The following INPP4B variants were observed in gnomAD, a reference collection of about 807,000 sequenced individuals.
INPP4B encodes the protein inositol polyphosphate 4-phosphatase type II.
Under a neutral mutation model 122.5 loss-of-function variants are expected in INPP4B, and 55 were observed. That is an observed-to-expected ratio of 0.45 (90% CI 0.36 to 0.56). The LOEUF (loss-of-function observed/expected upper bound fraction) is 0.56. INPP4B is among the 20% of genes least tolerant of loss of function. The pLI, the probability that INPP4B is intolerant of heterozygous loss-of-function variation, is 0.00. For synonymous variants in INPP4B, 403 were observed against 388.7 expected (o/e 1.04, Z -0.43); for missense variants, 1,000 against 1,097.7 (o/e 0.91, Z 1.26).
chr4:142,129,842 CCCT>C (rs1800427322), intron 18 of INPP4B, among the ~76,000 whole-genome samples: 2 of 152,088 alleles, frequency 1.3e-5, no homozygotes, highest in South Asian at 4.1e-4. Context: ...ATTGCTCCCC[CCCT>C]CCTTTTTCAT....
intron 2 of INPP4B, among the ~76,000 whole-genome samples, chr4:142,581,459 G>C (rs901088452): frequency 1.3e-5 from 2 of 151,234 alleles, no homozygotes; most frequent in Admixed American, 1.3e-4. Context: ...AATTATTCAT[G>C]AACTTTGGAA....
chr4:142,185,883 C>CTTA (rs1554000192), intron 15 of INPP4B, among the ~76,000 whole-genome samples: 1 of 6,702 alleles, frequency 1.5e-4, no homozygotes, highest in Non-Finnish European at 3.1e-4. Context: ...CATCTCAAAA[C>CTTA]ATAAAAAAAA....
intron 2 of INPP4B, among the ~76,000 whole-genome samples, chr4:142,642,194 A>C (rs1252246384): frequency 6.6e-6 from 1 of 152,090 alleles, no homozygotes; most frequent in East Asian, 1.9e-4. Context: ...TAGATTGCAA[A>C]AATTTTCTCC....
intron 2 of INPP4B, among the ~76,000 whole-genome samples, chr4:142,609,971 C>T (rs1742123496): frequency 6.6e-6 from 1 of 152,092 alleles, no homozygotes; most frequent in South Asian, 2.1e-4. Flanking sequence ...TAGCCACTAC[C>T]CATATCTGGC....
Position 142,138,370 on chromosome 4 carries a change from A to C in INPP4B, c.1720+7470T>G, listed in dbSNP as rs1275226094. On this transcript the variant is annotated intron_variant, in intron 18 of 25. Transcript: ENST00000262992. ...ATGGACACAGGAAGGGGAACATCACACTCTGGGGACTGTTGTGGGGTGGGG... is the reference window on the plus strand; with the variant it reads ...ATGGACACAGGAAGGGGAACATCACCCTCTGGGGACTGTTGTGGGGTGGGG... Among the ~76,000 whole-genome samples, 247 of 115,270 alleles carry C rather than the reference A, an allele frequency of 2.1e-3. 2 individuals are homozygous for C. Among genetic ancestry groups the C allele is most frequent in the African/African-American group, 8.0e-3 (233 of 29,174 alleles). The allele number at this position is 115,270 out of a possible 152,430, so 75.6% of individuals were successfully genotyped here. A position where few individuals can be genotyped will look rare whatever the true frequency, so the allele number is the denominator to read the frequency against.
chr4:142,695,293 T>C (rs1760870525), intron 2 of INPP4B, among the ~76,000 whole-genome samples: 1 of 152,196 alleles, frequency 6.6e-6, no homozygotes, highest in African/African-American at 2.4e-5. Flanking sequence ...ATGAAGCTAA[T>C]TCTCAAACAG....
chr4:142,398,395 A>AAAAAAT (rs1800213610), intron 7 of INPP4B, among the ~76,000 whole-genome samples: 1 of 23,868 alleles, frequency 4.2e-5, no homozygotes, highest in Non-Finnish European at 9.5e-5. Context: ...AAAAAAAAAA[A>AAAAAAT]AAAAAAATAT....
intron 7 of INPP4B, among the ~76,000 whole-genome samples, chr4:142,372,424 T>C (rs1424155412): frequency 6.6e-6 from 1 of 152,128 alleles, no homozygotes; most frequent in Non-Finnish European, 1.5e-5. Context: ...AAAGAAATGA[T>C]GAATGTTTGA....
At chr4:142,068,823 T>C (rs191970342) in intron 25 of INPP4B, among the ~76,000 whole-genome samples, 34 of 152,300 alleles carry the variant, frequency 2.2e-4, no homozygotes, top group Middle Eastern at 3.4e-3. Context: ...AGCACCCTGA[T>C]TCATAAAGCA....
chr4:142,709,870 A>C (rs1762900394), intron 2 of INPP4B, among the ~76,000 whole-genome samples: 1 of 152,194 alleles, frequency 6.6e-6, no homozygotes, highest in Non-Finnish European at 1.5e-5. Context: ...TTTATTCTTC[A>C]TACTGTTCTA....
chr4:142,101,120 C>G (rs1561119257), intron 23 of INPP4B, among the ~76,000 whole-genome samples: 1 of 151,988 alleles, frequency 6.6e-6, no homozygotes, highest in Admixed American at 6.6e-5. Flanking sequence ...CTCTGAAAAG[C>G]AGAAATGAGA....
intron 25 of INPP4B, chr4:142,030,153 G>T: frequency 6.5e-7 from 1 of 1,535,068 alleles, no homozygotes; most frequent in Non-Finnish European, 8.7e-7. Context: ...TAAGAGTAAC[G>T]CCAGACTTAA....
chr4:142,832,648 C>T (rs190793732), intron 1 of INPP4B, among the ~76,000 whole-genome samples: 1 of 152,126 alleles, frequency 6.6e-6, no homozygotes, highest in African/African-American at 2.4e-5. Flanking sequence ...GAAGAACACC[C>T]AGTATATGAA....
intron 14 of INPP4B, among the ~76,000 whole-genome samples, chr4:142,193,613 C>A (rs1336969122): frequency 1.3e-5 from 2 of 151,854 alleles, no homozygotes; most frequent in Non-Finnish European, 2.9e-5. Flanking sequence ...AGAAAAAAAA[C>A]CCAAAATATT....
At chr4:142,267,756 GA>G (rs1436356709) in intron 10 of INPP4B, among the ~76,000 whole-genome samples, 3 of 152,028 alleles carry the variant, frequency 2.0e-5, no homozygotes, top group African/African-American at 7.2e-5. Context: ...CACAGCAAAG[GA>G]AACAATAAGG....
At chr4:142,309,762 C>A (rs1764769665) in intron 8 of INPP4B, among the ~76,000 whole-genome samples, 1 of 152,182 alleles carries the variant, frequency 6.6e-6, no homozygotes, top group Non-Finnish European at 1.5e-5. Context: ...TATTCTGGTG[C>A]AAGAACCCCA....
At chr4:142,523,746 C>T (rs375951533) in intron 2 of INPP4B, among the ~76,000 whole-genome samples, 7 of 149,586 alleles carry the variant, frequency 4.7e-5, no homozygotes, top group Non-Finnish European at 8.9e-5. Context: ...CACGCTGGTG[C>T]GCTGCACCCA....
intron 3 of INPP4B, among the ~76,000 whole-genome samples, chr4:142,444,099 A>T (rs1429881468): frequency 6.6e-6 from 1 of 152,196 alleles, no homozygotes; most frequent in East Asian, 1.9e-4. Flanking sequence ...AAACCAAAAT[A>T]CTAGAAATGT....
At chr4:142,328,033 G>A (rs1433243446) in intron 7 of INPP4B, among the ~76,000 whole-genome samples, 6 of 152,126 alleles carry the variant, frequency 3.9e-5, no homozygotes, top group African/African-American at 1.4e-4. Flanking sequence ...TGAAACAGAG[G>A]GAATTGTGAT....
Sources: gnomAD v4.1 joint callset for allele counts (sites outside exome capture counted in the v4.1 genomes callset) on GRCh38, gnomAD v4.1.1 for gene constraint, MANE v1.5 for transcripts, NCBI Gene and HGNC (gene_info 2026-07-23, HGNC 2026-07-21) for gene names.